The following STPG2 variants were observed in gnomAD, a reference collection of about 807,000 sequenced individuals.
STPG2 encodes sperm-tail PG-rich repeat-containing protein 2.
A neutral mutation model predicts 54.2 loss-of-function variants in STPG2; 56 were observed. The ratio of observed to expected loss-of-function variants is 1.03; its 90% confidence interval spans 0.83 to 1.29. The LOEUF (loss-of-function observed/expected upper bound fraction) is 1.29. Ranked by LOEUF, STPG2 falls within the 50% of genes most tolerant of loss-of-function variation. The pLI, the probability that STPG2 is intolerant of heterozygous loss-of-function variation, is 0.00. For synonymous variants in STPG2, 200 were observed against 181.8 expected, an observed-to-expected ratio of 1.10 and a Z score of -0.81; for missense variants, 596 against 544.9, an observed-to-expected ratio of 1.09 and a Z score of -0.93.
intron 8 of STPG2, among the ~76,000 whole-genome samples, chr4:97,893,808 G>A (rs1331642534): frequency 6.6e-6 from 1 of 151,936 alleles, no homozygotes; most frequent in Non-Finnish European, 1.5e-5. Context: ...TAAGAAGAAA[G>A]GAAAGAATGG....
chr4:98,016,134 C>A (rs891829580), intron 5 of STPG2, among the ~76,000 whole-genome samples: 1 of 152,086 alleles, frequency 6.6e-6, no homozygotes, highest in African/African-American at 2.4e-5. Context: ...TGCAGCAAAC[C>A]ACCATGGCTC....
At position 97,936,323 on chromosome 4, in the gene STPG2, C is replaced by T. The variant is rs533268930; in HGVS notation, c.1044+7574G>A. ...TACAGCACACTGATGATTTGGGACACTATCCAATTTGCGGGTCTGTGCTTT... is the reference window on the plus strand; with the variant it reads ...TACAGCACACTGATGATTTGGGACATTATCCAATTTGCGGGTCTGTGCTTT... On this transcript the variant is annotated intron_variant, in intron 8 of 10. Transcript: ENST00000295268. Among the ~76,000 whole-genome samples, 641 of 152,194 alleles carry T rather than the reference C, an allele frequency of 4.2e-3. 3 individuals carry two copies. Among genetic ancestry groups the T allele is most frequent in the South Asian group, 0.024 (116 of 4,818 alleles).
chr4:97,442,801 T>C (rs1482496327), intron 4 of STPG2, among the ~76,000 whole-genome samples: 1 of 152,158 alleles, frequency 6.6e-6, no homozygotes, highest in Non-Finnish European at 1.5e-5. Context: ...ATGGTAATTC[T>C]CAAAAAATAA....
chr4:97,676,180 G>T (rs1007050240), intron 10 of STPG2, among the ~76,000 whole-genome samples: 1 of 150,618 alleles, frequency 6.6e-6, no homozygotes, highest in Non-Finnish European at 1.5e-5. Flanking sequence ...GTTTTCTGCT[G>T]TATGATTCGA....
chr4:98,092,800 G>A (rs990944288), intron 5 of STPG2, among the ~76,000 whole-genome samples: 1 of 151,822 alleles, frequency 6.6e-6, no homozygotes, highest in Non-Finnish European at 1.5e-5. Flanking sequence ...TTATATAGAT[G>A]AATAGAAATA....
intron 3 of STPG2, among the ~76,000 whole-genome samples, chr4:98,116,599 C>T (rs1739531737): frequency 6.6e-6 from 1 of 151,750 alleles, no homozygotes; most frequent in Non-Finnish European, 1.5e-5. Context: ...AGAATTGAAC[C>T]TATTGTTCAC....
At chr4:97,559,548 T>C (rs950083944) in intron 10 of STPG2, among the ~76,000 whole-genome samples, 2 of 152,214 alleles carry the variant, frequency 1.3e-5, no homozygotes, top group South Asian at 4.1e-4. Context: ...TTTTGTTCTT[T>C]ATTTTTCCTC....
intron 9 of STPG2, among the ~76,000 whole-genome samples, chr4:97,750,992 C>T (rs1725564449): frequency 6.6e-6 from 1 of 151,806 alleles, no homozygotes; most frequent in African/African-American, 2.4e-5. Flanking sequence ...ACTGAATTCT[C>T]ACAGAAAGTG....
intron 9 of STPG2, among the ~76,000 whole-genome samples, chr4:97,828,392 G>A (rs191458626): frequency 7.1e-4 from 108 of 152,276 alleles, no homozygotes; most frequent in African/African-American, 2.5e-3. Flanking sequence ...TTCGCAACCC[G>A]CAGACCAGGA....
At chr4:97,677,772 AG>A (rs1722894926) in intron 10 of STPG2, among the ~76,000 whole-genome samples, 1 of 152,156 alleles carries the variant, frequency 6.6e-6, no homozygotes, top group African/African-American at 2.4e-5. Context: ...AGCTGGCTGA[AG>A]CCCATGATGC....
chr4:97,722,331 G>A (rs1210385921), intron 9 of STPG2, among the ~76,000 whole-genome samples: 9 of 152,078 alleles, frequency 5.9e-5, no homozygotes, highest in Non-Finnish European at 1.3e-4. Context: ...ACACTTAGAT[G>A]AAATCTGATA....
At chr4:97,824,113 T>TC (rs1728178418) in intron 9 of STPG2, among the ~76,000 whole-genome samples, 1 of 152,088 alleles carries the variant, frequency 6.6e-6, no homozygotes, top group South Asian at 2.1e-4. Flanking sequence ...GGGGAGTTTT[T>TC]CTCCCTAAAA....
chr4:97,850,954 T>C (rs1379234604), intron 8 of STPG2, among the ~76,000 whole-genome samples: 1 of 152,200 alleles, frequency 6.6e-6, no homozygotes, highest in Non-Finnish European at 1.5e-5. Context: ...TTAACTCACT[T>C]CAGAAACTAT....
chr4:97,606,286 TTTTG>T (rs1434980113), intron 10 of STPG2, among the ~76,000 whole-genome samples: 1 of 151,908 alleles, frequency 6.6e-6, no homozygotes, highest in African/African-American at 2.4e-5. Context: ...TTTAAGTAAG[TTTTG>T]TTTATTTTAT....
At chr4:98,091,735 C>T (rs1265803162) in intron 5 of STPG2, among the ~76,000 whole-genome samples, 1 of 151,854 alleles carries the variant, frequency 6.6e-6, no homozygotes, top group African/African-American at 2.4e-5. Flanking sequence ...TGAATATTAA[C>T]AAATGTCAGA....
chr4:97,757,383 T>C (rs1725762387), intron 9 of STPG2, among the ~76,000 whole-genome samples: 1 of 152,256 alleles, frequency 6.6e-6, no homozygotes, highest in Non-Finnish European at 1.5e-5. Flanking sequence ...AACACCAAGA[T>C]GAGATACTGT....
At chr4:97,817,373 T>C (rs957849283) in intron 9 of STPG2, among the ~76,000 whole-genome samples, 5 of 151,966 alleles carry the variant, frequency 3.3e-5, no homozygotes, top group Non-Finnish European at 7.4e-5. Context: ...ACTACATTAG[T>C]AATAAAAATG....
At chr4:97,464,130 A>G (rs1172075037) in intron 4 of STPG2, among the ~76,000 whole-genome samples, 2 of 152,214 alleles carry the variant, frequency 1.3e-5, no homozygotes, top group African/African-American at 4.8e-5. Context: ...GTAAACACCT[A>G]AGAACACAAT....
intron 3 of STPG2, among the ~76,000 whole-genome samples, 186 bp from the exon 4 acceptor site, chr4:98,109,491 C>T (rs1441437200): frequency 1.3e-5 from 2 of 152,114 alleles, no homozygotes; most frequent in East Asian, 1.9e-4. Flanking sequence ...GTTCCCATTC[C>T]ACTCCTGAGT....
Sources: allele counts gnomAD v4.1 joint callset (sites outside exome capture counted in the v4.1 genomes callset), GRCh38; gene constraint gnomAD v4.1.1; transcripts MANE v1.5; gene names NCBI Gene and HGNC (gene_info 2026-07-23, HGNC 2026-07-21).